The following PATJ variants were observed in gnomAD, a reference collection of about 807,000 sequenced individuals.
PATJ encodes the protein PATJ crumbs cell polarity complex component.
PATJ carries 190 observed loss-of-function variants against 224.9 expected under a neutral mutation model. The ratio of observed to expected loss-of-function variants is 0.84; its 90% CI spans 0.75 to 0.95. The LOEUF (loss-of-function observed/expected upper bound fraction) is 0.95. Among genes scored for constraint, PATJ ranks in the 40% least tolerant of loss-of-function variants. The pLI is 0.00. For missense variants in PATJ, 2,121 were observed against 2,270.3 expected (o/e 0.93, Z 1.34); for synonymous variants, 769 against 820.3 (o/e 0.94, Z 1.07).
chr1:62,011,416 AG>A (rs1646442382), intron 28 of PATJ, among the ~76,000 whole-genome samples: 1 of 152,172 alleles, frequency 6.6e-6, no homozygotes, highest in African/African-American at 2.4e-5. Flanking sequence ...AAGGCCTCGG[AG>A]GAGAGAAAAA....
chr1:62,106,156 G>GTATATATATATATATATA (rs1372747156), intron 33 of PATJ, among the ~76,000 whole-genome samples: 892 of 54,722 alleles, frequency 0.016, 102 homozygotes, highest in Middle Eastern at 0.032. Context: ...GTGTGTGTGT[G>GTATATATATATATATATA]TGTATATATA....
chr1:62,073,100 A>G lies in PATJ; in HGVS notation c.4126-6350A>G, dbSNP rs982920229. 4.1e-6 allele frequency: 4 copies of G among 985,310 alleles called. No individual in the cohort carries two copies. The African/African-American group carries it at 5.2e-5, about 13-fold the overall frequency. 61.0% of individuals were successfully genotyped at this position (985,310 alleles called of 1,614,324 possible). A position where few individuals can be genotyped will look rare whatever the true frequency, so the allele number is the denominator to read the frequency against. On this transcript the variant is annotated intron_variant, in intron 31 of 43. Transcript: ENST00000642238. ...CTGGAATACCCACCTGACAATGTAC[A>G]TAACTTGTACTTTAGGTTTTGCTCT...
At chr1:61,818,673 G>A (rs576643824) in intron 14 of PATJ, among the ~76,000 whole-genome samples, 9 of 152,178 alleles carry the variant, frequency 5.9e-5, no homozygotes, top group Admixed American at 3.9e-4. Flanking sequence ...TGGTTTATTT[G>A]TTCACCCTAA....
chr1:61,771,457 A>G lies in PATJ; in HGVS notation c.551A>G (p.Gln184Arg), dbSNP rs752244290. Residue 184 changes from glutamine (Q) to arginine (R), a missense_variant, in exon 6 of 44, where the codon CAA becomes CGA. By Grantham distance (43) the Gln-to-Arg change is conservative (BLOSUM62 1). Transcript: ENST00000642238. Reference protein sequence around the residue: ...DRDQRLKENDQILAINHTPLD... With the variant: ...DRDQRLKENDRILAINHTPLD... ...GATCAAAGATTAAAGGAAAATGATC[A>G]AATATTGGCCATTAATCACACGCCA... 4.4e-6 allele frequency: 7 copies of G among 1,597,414 alleles called. No homozygotes were observed. The highest frequency in any genetic ancestry group is 6.0e-6 in the Non-Finnish European group (7 of 1,174,500).
At chr1:62,111,396 A>G (rs1169858856) in intron 34 of PATJ, among the ~76,000 whole-genome samples, 1 of 152,234 alleles carries the variant, frequency 6.6e-6, no homozygotes, top group African/African-American at 2.4e-5. Flanking sequence ...CTGAGAGGAA[A>G]AACAGCCTTC....
chr1:62,065,096 A>G (rs1407375671), intron 31 of PATJ, among the ~76,000 whole-genome samples: 1 of 152,200 alleles, frequency 6.6e-6, no homozygotes. Flanking sequence ...ATTTGCGTAC[A>G]TGATAAATTT....
In PATJ at chr1:62,123,055, CAG is replaced by C; in HGVS notation, c.5041_5042del (p.Arg1681GlyfsTer4). 6.3e-7 allele frequency: 1 copy of C among 1,591,362 alleles called. No homozygotes were observed. Among genetic ancestry groups the C allele is most frequent in the East Asian group, 2.3e-5 (1 of 43,822 alleles). On this transcript the variant is annotated frameshift_variant and splice_region_variant, in exon 39 of 44. Coordinates refer to ENST00000642238, the MANE Select transcript of PATJ (RefSeq NM_001350145.3). LOFTEE classifies it high-confidence loss of function. ...DMEPRTVEIN[R>X]ELSDALGISI... is the part of the protein sequence containing the mutation. ...TGGAACCAAGGACTGTTGAGATAAA[CAG>C]GGTAAGTCAGTCATTTTGCTGTATG...
chr1:62,131,937 C>T (rs1410433064), intron 41 of PATJ, among the ~76,000 whole-genome samples: 2 of 151,556 alleles, frequency 1.3e-5, no homozygotes, highest in Non-Finnish European at 2.9e-5. Flanking sequence ...CAACCTCCCC[C>T]TCCCGGGTTC....
At chr1:62,089,971 C>T (rs1179086203) in intron 33 of PATJ, among the ~76,000 whole-genome samples, 1 of 152,156 alleles carries the variant, frequency 6.6e-6, no homozygotes, top group African/African-American at 2.4e-5. Flanking sequence ...ATTTCTGTGT[C>T]TTCTTTGTTG....
intron 36 of PATJ, 113 bp downstream of exon 36, chr1:62,116,792 AC>A: frequency 1.0e-6 from 1 of 990,224 alleles, no homozygotes; most frequent in Non-Finnish European, 1.4e-6. Context: ...TCTAGTTTTT[AC>A]TAGAAATTTA....
intron 22 of PATJ, among the ~76,000 whole-genome samples, chr1:61,891,412 A>G (rs1669591308): frequency 6.6e-6 from 1 of 152,166 alleles, no homozygotes; most frequent in South Asian, 2.1e-4. Context: ...TCAGGAGGAG[A>G]TGGAAGAAAA....
intron 42 of PATJ, among the ~76,000 whole-genome samples, chr1:62,153,001 T>C (rs1003742325): frequency 5.9e-5 from 9 of 151,490 alleles, no homozygotes; most frequent in African/African-American, 2.2e-4. Context: ...TAGCCAGGTA[T>C]GGCACACACC....
chr1:61,926,636 AT>A (rs1322539910), intron 26 of PATJ, among the ~76,000 whole-genome samples: 1 of 152,044 alleles, frequency 6.6e-6, no homozygotes, highest in Non-Finnish European at 1.5e-5. Context: ...GGCATTTTGT[AT>A]TTGGCATCTT....
chr1:61,916,064 T>A (rs1247649071), intron 26 of PATJ, among the ~76,000 whole-genome samples: 1 of 152,212 alleles, frequency 6.6e-6, no homozygotes, highest in East Asian at 1.9e-4. Context: ...TATTTAATGA[T>A]ATCTCTTTAA....
chr1:62,129,748 C>G (rs1342552375), intron 41 of PATJ, among the ~76,000 whole-genome samples: 1 of 152,112 alleles, frequency 6.6e-6, no homozygotes, highest in Non-Finnish European at 1.5e-5. Flanking sequence ...CGAGACCAGC[C>G]TGGACAACAT....
intron 29 of PATJ, among the ~76,000 whole-genome samples, chr1:62,023,101 C>T (rs914173859): frequency 5.3e-5 from 8 of 152,080 alleles, no homozygotes; most frequent in Admixed American, 6.5e-5. Flanking sequence ...ACCAGCCTAA[C>T]CAACATGGTG....
At chr1:62,134,587 C>T (rs1314203853) in intron 41 of PATJ, among the ~76,000 whole-genome samples, 4 of 149,022 alleles carry the variant, frequency 2.7e-5, no homozygotes, top group Non-Finnish European at 5.9e-5. Context: ...TTAGGTGATC[C>T]GCCCGCCTCA....
intron 28 of PATJ, 49 bp downstream of exon 28, chr1:61,990,413 C>G (rs1644998118): frequency 2.9e-6 from 4 of 1,356,034 alleles, no homozygotes; most frequent in Non-Finnish European, 4.1e-6. Context: ...TGGATGGGTG[C>G]AGTGGATGTT....
At chr1:61,927,982 T>C (rs554675920) in intron 27 of PATJ, among the ~76,000 whole-genome samples, 153 bp downstream of exon 27, 2 of 152,360 alleles carry the variant, frequency 1.3e-5, no homozygotes, top group African/African-American at 4.8e-5. Flanking sequence ...GAAGCTTTTG[T>C]GGCGTCATTT....
Sources: gnomAD v4.1 joint callset for allele counts (sites outside exome capture counted in the v4.1 genomes callset) on GRCh38, gnomAD v4.1.1 for gene constraint, MANE v1.5 for transcripts, NCBI Gene and HGNC (gene_info 2026-07-23, HGNC 2026-07-21) for gene names.